The following KAT6B variants were observed in gnomAD, a reference collection of about 807,000 sequenced individuals.
The protein encoded by KAT6B is histone acetyltransferase KAT6B.
Under a neutral mutation model 187.5 loss-of-function variants are expected in KAT6B, and 10 were observed. The observed-to-expected ratio is 0.05, with a 90% CI of 0.03 to 0.09. The LOEUF is 0.09. Among genes scored for constraint, KAT6B ranks in the 10% least tolerant of loss-of-function variants. KAT6B has a pLI of 1.00. For missense variants in KAT6B, 1,952 were observed against 2,558.9 expected (o/e 0.76, Z 5.12); for synonymous variants, 861 against 926.8 (o/e 0.93, Z 1.29).
At chr10:74,852,944 T>G (rs1842570273) in intron 3 of KAT6B, among the ~76,000 whole-genome samples, 1 of 152,214 alleles carries the variant, frequency 6.6e-6, no homozygotes, top group South Asian at 2.1e-4. Flanking sequence ...TATTTAACAG[T>G]TAAGTACTAT....
At chr10:75,004,963 C>A (rs544738129) in intron 13 of KAT6B, among the ~76,000 whole-genome samples, 1 of 152,064 alleles carries the variant, frequency 6.6e-6, no homozygotes, top group South Asian at 2.1e-4. Context: ...TATGCTCCTG[C>A]CTCGGCCTCC....
At chr10:74,847,628 C>A (rs933396995) in intron 3 of KAT6B, among the ~76,000 whole-genome samples, 10 of 151,616 alleles carry the variant, frequency 6.6e-5, no homozygotes, top group African/African-American at 2.4e-4. Context: ...TGCGCCATTG[C>A]ATTCCAGCCT....
intron 16 of KAT6B, among the ~76,000 whole-genome samples, 158 bp from the exon 17 acceptor site, chr10:75,024,800 G>A (rs1226381198): frequency 1.3e-5 from 2 of 152,218 alleles, no homozygotes; most frequent in Admixed American, 6.5e-5. Context: ...GCCCGAGAGG[G>A]ATGTTAGACA....
chr10:74,980,527 T>C (rs950412059), intron 10 of KAT6B, among the ~76,000 whole-genome samples: 1 of 152,248 alleles, frequency 6.6e-6, no homozygotes, highest in Admixed American at 6.5e-5. Context: ...CTTGAACAAT[T>C]TTAAAAGACT....
chr10:74,835,341 A>G (rs1841208568), intron 1 of KAT6B, among the ~76,000 whole-genome samples: 1 of 152,148 alleles, frequency 6.6e-6, no homozygotes, highest in Non-Finnish European at 1.5e-5. Context: ...GCAAGGTAGT[A>G]TAGTCACAGT....
intron 13 of KAT6B, among the ~76,000 whole-genome samples, chr10:75,001,935 T>C (rs573550634): frequency 6.6e-6 from 1 of 152,272 alleles, no homozygotes; most frequent in African/African-American, 2.4e-5. Context: ...TCAGGGCACA[T>C]GGCTTACCCT....
chr10:74,901,806 G>A (rs1440944582), intron 3 of KAT6B, among the ~76,000 whole-genome samples: 1 of 152,054 alleles, frequency 6.6e-6, no homozygotes, highest in African/African-American at 2.4e-5. Context: ...AATTAAGAAA[G>A]TGTCTTTTAG....
Position 74,842,626 on chromosome 10 carries a change from C to A in KAT6B, c.-232C>A. ...TCTTGATTTCCCAGTTAAAGATGTT[C>A]TTCACCCGAATGCAGTCTTTCCTGT... On this transcript the variant is annotated 5_prime_UTR_variant, in exon 3 of 18. Coordinates refer to ENST00000287239, the MANE Select transcript of KAT6B (RefSeq NM_012330.4). 1 of 605,280 alleles carries A rather than the reference C, an allele frequency of 1.7e-6. No individual in the cohort carries two copies. The highest frequency in any genetic ancestry group is 2.0e-5 in the South Asian group (1 of 49,366). The allele number at this position is 605,280 out of a possible 1,614,324, so 37.5% of individuals were successfully genotyped here.
At chr10:75,010,780 GTC>G (rs1361697201) in intron 13 of KAT6B, among the ~76,000 whole-genome samples, 1 of 152,210 alleles carries the variant, frequency 6.6e-6, no homozygotes, top group East Asian at 1.9e-4. Flanking sequence ...AGAATGAAGT[GTC>G]TCAGCTGCCT....
At chr10:74,836,002 C>T (rs1051850211) in intron 1 of KAT6B, among the ~76,000 whole-genome samples, 1 of 152,158 alleles carries the variant, frequency 6.6e-6, no homozygotes, top group African/African-American at 2.4e-5. Context: ...CCCTGAGACT[C>T]CACCAATCTG....
intron 3 of KAT6B, among the ~76,000 whole-genome samples, chr10:74,935,140 T>C (rs1015968715): frequency 6.6e-6 from 1 of 152,216 alleles, no homozygotes; most frequent in Non-Finnish European, 1.5e-5. Flanking sequence ...CCTCACAGGA[T>C]TGTTGAAATA....
chr10:74,926,393 G>T (rs530741549), intron 3 of KAT6B, among the ~76,000 whole-genome samples: 41 of 152,358 alleles, frequency 2.7e-4, no homozygotes, highest in African/African-American at 9.6e-4. Flanking sequence ...GGCCTAGGTT[G>T]CAGTGAGTCG....
At chr10:74,998,679 G>A (rs1843622617) in intron 13 of KAT6B, among the ~76,000 whole-genome samples, 1 of 152,202 alleles carries the variant, frequency 6.6e-6, no homozygotes, top group African/African-American at 2.4e-5. Flanking sequence ...TAATCTTTGG[G>A]AGACTGAGGC....
Position 75,019,962 on chromosome 10 carries a change from A to G in KAT6B, c.2630-620A>G, listed in dbSNP as rs188472914. Among the ~76,000 whole-genome samples, 27 of 152,266 alleles carry G rather than the reference A, an allele frequency of 1.8e-4. No individual in the cohort carries two copies. In the East Asian group the frequency reaches 5.0e-3, roughly 28 times the overall value. On this transcript the variant is annotated intron_variant, in intron 13 of 17. Coordinates refer to ENST00000287239, the MANE Select transcript of KAT6B (RefSeq NM_012330.4). ...GGGATTGGATTGTAAATTAATTTCTATGAAAGAGGTGAAAATGGAGCTAGT... is the reference window on the plus strand; with the variant it reads ...GGGATTGGATTGTAAATTAATTTCTGTGAAAGAGGTGAAAATGGAGCTAGT...
intron 3 of KAT6B, among the ~76,000 whole-genome samples, chr10:74,891,871 A>G (rs1441927125): frequency 6.6e-6 from 1 of 152,344 alleles, no homozygotes; most frequent in Non-Finnish European, 1.5e-5. Flanking sequence ...CAGATAGGGA[A>G]TGTCTGTAAT....
chr10:74,943,965 C>T (rs1481899689), intron 3 of KAT6B, among the ~76,000 whole-genome samples: 2 of 152,114 alleles, frequency 1.3e-5, no homozygotes, highest in Non-Finnish European at 2.9e-5. Flanking sequence ...GACAAACAAC[C>T]CAATTAAACA....
chr10:74,856,226 C>T (rs188600826), intron 3 of KAT6B, among the ~76,000 whole-genome samples: 7 of 152,288 alleles, frequency 4.6e-5, no homozygotes, highest in African/African-American at 1.7e-4. Flanking sequence ...GCTGGGACTA[C>T]AGGTGCGTGC....
chr10:74,909,674 C>A (rs964364263), intron 3 of KAT6B, among the ~76,000 whole-genome samples: 3 of 152,168 alleles, frequency 2.0e-5, no homozygotes, highest in African/African-American at 7.2e-5. Context: ...GGTTCTTTGG[C>A]AAAAGGTGTT....
intron 13 of KAT6B, among the ~76,000 whole-genome samples, chr10:74,998,392 C>T (rs1306130756): frequency 2.0e-4 from 31 of 151,594 alleles, no homozygotes; most frequent in Admixed American, 1.8e-3. Flanking sequence ...CTTTTTGCCT[C>T]CCTCCCCCAG....
Sources: gnomAD v4.1 joint callset for allele counts (sites outside exome capture counted in the v4.1 genomes callset) on GRCh38, gnomAD v4.1.1 for gene constraint, MANE v1.5 for transcripts, NCBI Gene and HGNC (gene_info 2026-07-23, HGNC 2026-07-21) for gene names.